Variants in STS observed in about 807,000 individuals in gnomAD.
The protein encoded by STS is steroid sulfatase, also known as steryl-sulfatase.
In STS, 7 loss-of-function variants were observed where a neutral mutation model predicts 26.8. The observed-to-expected ratio is 0.26, with a 90% CI of 0.15 to 0.49. The LOEUF is 0.49. Ranked by LOEUF, STS falls within the 20% of genes least tolerant of loss-of-function variation. The pLI is 0.98. For synonymous variants in STS, 199 were observed against 189.4 expected (o/e 1.05, Z -0.42); for missense variants, 434 against 465.6 (o/e 0.93, Z 0.63).
chrX:7,339,346 G>A (rs1928179266), intron 10 of STS, among the ~76,000 whole-genome samples: 1 of 112,337 alleles, frequency 8.9e-6, no homozygotes, highest in Non-Finnish European at 1.9e-5. Flanking sequence ...TCTATCCTGT[G>A]TTTCAGCTGA....
chrX:7,210,685 T>G (rs1303756704), intron 2 of STS, among the ~76,000 whole-genome samples: 1 of 108,052 alleles, frequency 9.3e-6, no homozygotes, highest in Non-Finnish European at 1.9e-5. Flanking sequence ...TGTTATATGT[T>G]GAAATATATA....
chrX:7,231,477 G>A (rs1164455579), intron 2 of STS, among the ~76,000 whole-genome samples: 16 of 111,487 alleles, frequency 1.4e-4, no homozygotes, highest in Admixed American at 1.3e-3. Context: ...TTAGTGTGGA[G>A]TCCTAATTAG....
intron 6 of STS, among the ~76,000 whole-genome samples, chrX:7,272,217 C>CATATATATATATAT (rs372911748): frequency 0.025 from 2,309 of 93,910 alleles, 44 homozygotes; most frequent in African/African-American, 0.039. Context: ...AATTTAATTA[C>CATATATATATATAT]ATATATATAT....
At position 7,191,015 on chromosome X, in the gene STS, A is replaced by C; in HGVS notation, c.-5+7A>C. ...GTCTTCAGCTGTTCATAGCGTAAGTATGAGAGGTGCATATGTTTGTATCTT... is the reference window on the plus strand; with the variant it reads ...GTCTTCAGCTGTTCATAGCGTAAGTCTGAGAGGTGCATATGTTTGTATCTT... On this transcript the variant is annotated splice_region_variant and intron_variant, in intron 2 of 10. Transcript: ENST00000674429. 1.3e-6 allele frequency: 1 copy of C among 752,501 alleles called. No homozygotes were observed. Among genetic ancestry groups the C allele is most frequent in the Non-Finnish European group, 1.6e-6 (1 of 637,946 alleles). 62.0% of individuals were successfully genotyped at this position (752,501 alleles called of 1,213,427 possible). A position where few individuals can be genotyped will look rare whatever the true frequency, so the allele number is the denominator to read the frequency against.
At chrX:7,348,593 A>G (rs1380658247) in intron 10 of STS, among the ~76,000 whole-genome samples, 3 of 112,297 alleles carry the variant, frequency 2.7e-5, no homozygotes, top group African/African-American at 9.7e-5. Flanking sequence ...TCCTCAGAAA[A>G]TGATAACATT....
At position 7,161,606 on chromosome X, in the gene STS, A is replaced by T. The variant is rs113534763; in HGVS notation, c.-134+13523A>T. Among the ~76,000 whole-genome samples, 438 of 112,214 alleles carry T rather than the reference A, an allele frequency of 3.9e-3. 2 individuals are homozygous for T. The highest frequency in any genetic ancestry group is 0.014 in the African/African-American group (423 of 30,883). On this transcript the variant is annotated intron_variant, in intron 1 of 10. Transcript: ENST00000674429. The stretch of plus-strand genomic sequence containing the variant: ...TCTCTGTTATCTTATGAGCAATTAT[A>T]ATGAATTAAGATGTCCAGTTCATGC...
Position 7,215,002 on chromosome X carries a change from A to AT in STS, c.-5+23995dup, listed in dbSNP as rs1569191552. ...TATACATATATATACGTATATATAC[A>AT]TATATACGTATATATATATATTATA... On this transcript the variant is annotated intron_variant, in intron 2 of 10. Coordinates refer to ENST00000674429, the MANE Select transcript of STS (RefSeq NM_001320752.2). Among the ~76,000 whole-genome samples the AT allele has an allele frequency of 8.6e-3, 378 of 44,088 alleles. 16 individuals carry two copies. The highest frequency in any genetic ancestry group is 0.014 in the Non-Finnish European group (320 of 23,656). The allele number at this position is 44,088 out of a possible 115,157, so 38.3% of individuals were successfully genotyped here. A position where few individuals can be genotyped will look rare whatever the true frequency, so the allele number is the denominator to read the frequency against.
intron 7 of STS, among the ~76,000 whole-genome samples, chrX:7,279,820 T>A (rs1317006328): frequency 1.8e-5 from 2 of 110,765 alleles, no homozygotes; most frequent in African/African-American, 6.6e-5. Flanking sequence ...AATGCAATCT[T>A]TGGGGATATC....
chrX:7,235,094 T>G (rs1385696170), intron 2 of STS, among the ~76,000 whole-genome samples: 1 of 111,797 alleles, frequency 8.9e-6, no homozygotes, highest in Non-Finnish European at 1.9e-5. Context: ...TGTAAATAAA[T>G]GAAAATATTA....
intron 6 of STS, among the ~76,000 whole-genome samples, chrX:7,263,938 G>A (rs925958107): frequency 2.7e-5 from 3 of 111,849 alleles, no homozygotes; most frequent in Admixed American, 9.5e-5. Flanking sequence ...GCAGCAGCAA[G>A]TATTAATGTA....
At chrX:7,279,292 A>AAAAT (rs1477179869) in intron 7 of STS, among the ~76,000 whole-genome samples, 40 of 62,766 alleles carry the variant, frequency 6.4e-4, no homozygotes, top group African/African-American at 2.2e-3. Flanking sequence ...AAAAAAAAAA[A>AAAAT]ATATATATAT....
rs149982905 is a variant in STS at position 7,236,058 on chromosome X, A to T, written c.-4-17138A>T. On this transcript the variant is annotated intron_variant, in intron 2 of 10. Coordinates refer to ENST00000674429, the MANE Select transcript of STS (RefSeq NM_001320752.2). ...ATATAACTTTATATTCTAAATTATGACCAATTTAACTACAAGTATTTATCC... is the reference window on the plus strand; with the variant it reads ...ATATAACTTTATATTCTAAATTATGTCCAATTTAACTACAAGTATTTATCC... Among the ~76,000 whole-genome samples, 719 of 112,269 alleles carry T rather than the reference A, an allele frequency of 6.4e-3. 4 individuals carry two copies. The highest frequency in any genetic ancestry group is 0.022 in the African/African-American group (688 of 30,979).
At chrX:7,258,907 G>GA (rs200914929) in intron 5 of STS, among the ~76,000 whole-genome samples, 35,964 of 94,854 alleles carry the variant, frequency 0.38, 5,067 homozygotes, top group East Asian at 0.42. Context: ...CCAGGAAAAA[G>GA]AAAAAAAAAA....
chrX:7,232,331 T>C (rs1922098117), intron 2 of STS, among the ~76,000 whole-genome samples: 1 of 112,269 alleles, frequency 8.9e-6, no homozygotes, highest in African/African-American at 3.2e-5. Context: ...GAAACCTTTA[T>C]ACAGTGCATT....
intron 2 of STS, among the ~76,000 whole-genome samples, chrX:7,205,934 G>A (rs1042285892): frequency 2.7e-5 from 3 of 109,305 alleles, no homozygotes; most frequent in Admixed American, 9.7e-5. Context: ...TTTTCCTCTG[G>A]ATTTCACAGT....
intron 1 of STS, among the ~76,000 whole-genome samples, chrX:7,161,433 TATTA>T (rs1178212861): frequency 8.9e-6 from 1 of 112,214 alleles, no homozygotes; most frequent in Non-Finnish European, 1.9e-5. Context: ...TGAAAATTTA[TATTA>T]ATTGCAGAAA....
At position 7,204,684 on chromosome X, in the gene STS, C is replaced by A. The variant is rs193115239; in HGVS notation, c.-5+13676C>A. The stretch of plus-strand genomic sequence containing the variant: ...TTCCTCCTTCCTTTTTTCCTCCTCA[C>A]CTTTTCTCTCTCTCCTTCTTTCATT... On this transcript the variant is annotated intron_variant, in intron 2 of 10. Transcript: ENST00000674429. 3.3e-3 allele frequency among the ~76,000 whole-genome samples: 341 copies of A among 102,589 alleles called. 1 individual carries two copies. The highest frequency in any genetic ancestry group is 0.012 in the African/African-American group (327 of 27,985). 89.1% of individuals were successfully genotyped at this position (102,589 alleles called of 115,157 possible).
intron 6 of STS, among the ~76,000 whole-genome samples, chrX:7,274,564 C>T (rs1315356387): frequency 8.9e-6 from 1 of 112,115 alleles, no homozygotes; most frequent in African/African-American, 3.2e-5. Flanking sequence ...ACCCATGGGA[C>T]TTATTGATCC....
intron 10 of STS, among the ~76,000 whole-genome samples, chrX:7,340,843 A>G (rs2147185946): frequency 9.0e-6 from 1 of 111,679 alleles, no homozygotes; most frequent in East Asian, 2.8e-4. Context: ...TCTACCCTAA[A>G]CGCATACAAT....
Sources: gnomAD v4.1 joint callset for allele counts (sites outside exome capture counted in the v4.1 genomes callset) on GRCh38, gnomAD v4.1.1 for gene constraint, MANE v1.5 for transcripts, NCBI Gene and HGNC (gene_info 2026-07-23, HGNC 2026-07-21) for gene names.